SLC1A5: variants seen among roughly 807,000 people sequenced by gnomAD.
SLC1A5 encodes the protein neutral amino acid transporter B(0).
Under a neutral mutation model 34.9 loss-of-function variants are expected in SLC1A5, and 25 were observed. That is an observed-to-expected ratio of 0.72 (90% CI 0.52 to 1.00). The LOEUF is 1.00. Ranked by LOEUF, SLC1A5 falls within the 50% of genes least tolerant of loss-of-function variation. The probability of loss-of-function intolerance (pLI) is 0.00; values close to 1 mark genes in which losing one functional copy is unlikely to be tolerated. For synonymous variants in SLC1A5, 351 were observed against 341.2 expected (o/e 1.03, Z -0.32); for missense variants, 637 against 740.0 (o/e 0.86, Z 1.61).
At chr19:46,785,223 A>G (rs1004912712) in intron 1 of SLC1A5, among the ~76,000 whole-genome samples, 5 of 152,190 alleles carry the variant, frequency 3.3e-5, no homozygotes, top group South Asian at 2.1e-4. Context: ...TCTACAAAAA[A>G]TACAAAAATT....
chr19:46,784,835 G>A lies in SLC1A5; in HGVS notation c.567-276C>T, dbSNP rs377106264. On this transcript the variant is annotated intron_variant, in intron 1 of 7. Coordinates refer to ENST00000542575, the MANE Select transcript of SLC1A5 (RefSeq NM_005628.3). ...GGGGTGAGGAATGCTGGCCTCCCACGGCAGGCCAGGGCAGGTCGCCCCGGG... is the reference window on the plus strand; with the variant it reads ...GGGGTGAGGAATGCTGGCCTCCCACAGCAGGCCAGGGCAGGTCGCCCCGGG... 29 of 1,405,558 alleles carry A rather than the reference G, an allele frequency of 2.1e-5. 1 individual carries two copies. The East Asian group carries it at 3.4e-4, about 16-fold the overall frequency. The allele number at this position is 1,405,558 out of a possible 1,614,324, so 87.1% of individuals were successfully genotyped here.
chr19:46,775,633 C>T lies in SLC1A5; in HGVS notation c.1503G>A (p.Val501=). ...GCGGATCCAGGGGCAGCTCACTCTT[C>T]ACTTGTATCAACTCAGGCTCTGTGC... ...SRSTEPELIQ[V]KSELPLDPLP... is the part of the protein sequence containing the mutation. Residue 501 remains valine, a synonymous_variant, in exon 8 of 8, where the codon GTG becomes GTA. Transcript: ENST00000542575. The T allele has an allele frequency of 6.2e-7, 1 of 1,614,188 alleles. No individual in the cohort carries two copies. The highest frequency in any genetic ancestry group is 1.3e-5 in the African/African-American group (1 of 75,060).
At position 46,787,922 on chromosome 19, in the gene SLC1A5, G is replaced by A; in HGVS notation, c.44C>T (p.Ala15Val). Reference sequence around the variant, plus strand: ...CAGGCCCCCGTTGGCGGTGGGCTCCGCCGCTGCGAGCCCCTTGGAGTCTCG... The same window carrying A: ...CAGGCCCCCGTTGGCGGTGGGCTCCACCGCTGCGAGCCCCTTGGAGTCTCG... ...PPRDSKGLAA[A>V]EPTANGGLAL... Residue 15 changes from alanine to valine, a missense_variant, in exon 1 of 8, where the codon GCG (alanine) becomes GTG (valine). Transcript: ENST00000542575. This position sits in a 1 kb window ranked among gnomAD's most constrained non-coding sequence, Gnocchi z 5.2. 1 of 1,575,876 alleles carries A rather than the reference G, an allele frequency of 6.3e-7. No individual in the cohort carries two copies. Among genetic ancestry groups the A allele is most frequent in the East Asian group, 2.4e-5 (1 of 42,342 alleles).
At chr19:46,780,257 C>G (rs2055135425) in intron 4 of SLC1A5, among the ~76,000 whole-genome samples, 1 of 152,016 alleles carries the variant, frequency 6.6e-6, no homozygotes, top group Non-Finnish European at 1.5e-5. Context: ...TCACCTGAAC[C>G]CAGGAGGTCC....
Position 46,787,868 on chromosome 19 carries a change from G to A in SLC1A5, c.98C>T (p.Ala33Val), listed in dbSNP as rs1162150524. The A allele has an allele frequency of 1.9e-6, 3 of 1,560,100 alleles. No individual in the cohort carries two copies. Among genetic ancestry groups the A allele is most frequent in the East Asian group, 2.4e-5 (1 of 41,392 alleles). Residue 33 changes from alanine to valine, a missense_variant, in exon 1 of 8, where the codon GCG (alanine) becomes GTG (valine). By Grantham distance (64) the Ala-to-Val change is moderately conservative (BLOSUM62 0). Coordinates refer to ENST00000542575, the MANE Select transcript of SLC1A5 (RefSeq NM_005628.3). This position sits in a 1 kb window ranked among gnomAD's most constrained non-coding sequence, Gnocchi z 5.2. ...GGAACCGCAGTAGCCGCCTGCTGCC[G>A]CGCCTTGGTCCTCGATGGAGGCCAG... is the stretch of plus-strand genomic sequence containing the variant. ...LALASIEDQG[A>V]AAGGYCGSRD...
Position 46,775,479 on chromosome 19 carries a change from C to G in SLC1A5, c.*31G>C. 2 of 1,576,996 alleles carry G rather than the reference C, an allele frequency of 1.3e-6. No homozygotes were observed. The highest frequency in any genetic ancestry group is 1.7e-6 in the Non-Finnish European group (2 of 1,162,128). ...ATAATCCAGTGTCCAAAGAGCACCC[C>G]CAGCAGGGCAGGGAAGGTCCCTCCC... is the stretch of plus-strand genomic sequence containing the variant. On this transcript the variant is annotated 3_prime_UTR_variant, in exon 8 of 8. Coordinates refer to ENST00000542575, the MANE Select transcript of SLC1A5 (RefSeq NM_005628.3).
At chr19:46,786,053 CA>C (rs34681600) in intron 1 of SLC1A5, among the ~76,000 whole-genome samples, 1,052 of 102,566 alleles carry the variant, frequency 0.01, 6 homozygotes, top group African/African-American at 0.024. Flanking sequence ...GAGACTGTCT[CA>C]AAAAAAAAAA....
At position 46,777,016 on chromosome 19, in the gene SLC1A5, C is replaced by T. The variant is rs745485680; in HGVS notation, c.1347G>A (p.Pro449=). ...LAIILEAVNL[P]VDHISLILAV... is the part of the protein sequence containing the mutation. ...CCAGGATCAAGGAGATATGGTCGAC[C>T]GGGAGGTTGACTGCTTCGAGGATGA... Residue 449 remains proline (P), a synonymous_variant, in exon 7 of 8, where the codon CCG becomes CCA. Coordinates refer to ENST00000542575, the MANE Select transcript of SLC1A5 (RefSeq NM_005628.3). 8.1e-6 allele frequency: 13 copies of T among 1,613,866 alleles called. No homozygotes were observed. The highest frequency in any genetic ancestry group is 6.7e-5 in the Admixed American group (4 of 59,976).
At position 46,776,970 on chromosome 19, in the gene SLC1A5, C is replaced by A. The variant is rs748489866; in HGVS notation, c.1388+5G>T. On this transcript the variant is annotated splice_donor_5th_base_variant and intron_variant, in intron 7 of 7. Transcript: ENST00000542575. The stretch of plus-strand genomic sequence containing the variant: ...CCCTGCCCCAGTCTCCAGACCCACA[C>A]TCACACTAGCCAGTCCACAGCCAGG... 3.1e-6 allele frequency: 5 copies of A among 1,612,986 alleles called. No homozygotes were observed. The African/African-American group carries it at 5.3e-5, about 17-fold the overall frequency.
Position 46,788,532 on chromosome 19 carries a change from T to C in SLC1A5, c.-567A>G, listed in dbSNP as rs1388141985. ...GGCCCCTGTGTACGGAAGGCGGTGG[T>C]CTGGTGTCCGGGAGTAGCGGTTACC... On this transcript the variant is annotated 5_prime_UTR_variant, in exon 1 of 8. Coordinates refer to ENST00000542575, the MANE Select transcript of SLC1A5 (RefSeq NM_005628.3). The C allele has an allele frequency of 6.6e-6, 1 of 152,544 alleles. No homozygotes were observed. The highest frequency in any genetic ancestry group is 1.9e-4 in the East Asian group (1 of 5,188). 9.4% of individuals were successfully genotyped at this position (152,544 alleles called of 1,614,324 possible).
In SLC1A5 at chr19:46,782,402, G is replaced by A; in HGVS notation, c.805C>T (p.Leu269=). Residue 269 remains leucine, a synonymous_variant, in exon 4 of 8, where the codon CTG becomes TTG. Coordinates refer to ENST00000542575, the MANE Select transcript of SLC1A5 (RefSeq NM_005628.3). The part of the protein sequence containing the change: ...FNSFNEATMV[L]VSWIMWYAPV... ...ACCTACCACATGATCCAGGAGACCA[G>A]AACCATGGTGGCCTCATTGAAGGAG... 7.4e-7 allele frequency: 1 copy of A among 1,343,770 alleles called. No individual in the cohort carries two copies. Among genetic ancestry groups the A allele is most frequent in the Non-Finnish European group, 9.8e-7 (1 of 1,018,112 alleles). The allele number at this position is 1,343,770 out of a possible 1,614,324, so 83.2% of individuals were successfully genotyped here. A position where few individuals can be genotyped will look rare whatever the true frequency, so the allele number is the denominator to read the frequency against.
rs912448265 is a variant in SLC1A5 at position 46,787,221 on chromosome 19, C to G, written c.566+179G>C. The G allele has an allele frequency of 7.0e-7, 1 of 1,427,840 alleles. No individual in the cohort carries two copies. 88.4% of individuals were successfully genotyped at this position (1,427,840 alleles called of 1,614,324 possible). On this transcript the variant is annotated intron_variant, in intron 1 of 7. Transcript: ENST00000542575. This position sits in a 1 kb window ranked among gnomAD's most constrained non-coding sequence, Gnocchi z 5.2. ...GCCCCCAGATTTAGAAACCCCTTCC[C>G]CAGGAGACTAGACTCACACTCCCGA...
At chr19:46,785,306 G>A (rs1350342679) in intron 1 of SLC1A5, among the ~76,000 whole-genome samples, 2 of 152,080 alleles carry the variant, frequency 1.3e-5, no homozygotes, top group African/African-American at 2.4e-5. Context: ...ACTCAAGCCC[G>A]AGGAGGTTGA....
chr19:46,785,878 G>A (rs1442380567), intron 1 of SLC1A5, among the ~76,000 whole-genome samples: 3 of 152,074 alleles, frequency 2.0e-5, no homozygotes, highest in Admixed American at 6.6e-5. Context: ...TCAGGGGTTC[G>A]AGACCAGCCT....
At chr19:46,777,739 G>T (rs539424106) in intron 5 of SLC1A5, among the ~76,000 whole-genome samples, 135 of 138,096 alleles carry the variant, frequency 9.8e-4, no homozygotes, top group Admixed American at 4.5e-3. Flanking sequence ...CATACCACCT[G>T]CCCAGCCGAA....
chr19:46,780,817 A>C (rs931305610), intron 4 of SLC1A5, among the ~76,000 whole-genome samples: 8 of 151,858 alleles, frequency 5.3e-5, no homozygotes, highest in Non-Finnish European at 1.2e-4. Flanking sequence ...CTAAAAATAC[A>C]AAAATTAGCT....
At chr19:46,786,039 AAC>A (rs1345152381) in intron 1 of SLC1A5, among the ~76,000 whole-genome samples, 1 of 150,904 alleles carries the variant, frequency 6.6e-6, no homozygotes, top group African/African-American at 2.4e-5. Flanking sequence ...CAGCCTGAGC[AAC>A]AGAGACTGTC....
chr19:46,784,660 T>C, intron 1 of SLC1A5, 101 bp from the exon 2 acceptor site: 1 of 1,606,144 alleles, frequency 6.2e-7, no homozygotes, highest in Non-Finnish European at 8.5e-7. Flanking sequence ...GTGGAAGCTT[T>C]GGGGGCCCGC....
At chr19:46,782,242 G>A in intron 4 of SLC1A5, 141 bp downstream of exon 4, 1 of 661,660 alleles carries the variant, frequency 1.5e-6, no homozygotes, top group Non-Finnish European at 2.6e-6. Context: ...AATGGTCAAT[G>A]CTGGATTTAA....
Sources: gnomAD v4.1 joint callset for allele counts (sites outside exome capture counted in the v4.1 genomes callset) on GRCh38, gnomAD v4.1.1 for gene constraint, Gnocchi (gnomAD v3.1) non-coding constraint, MANE v1.5 for transcripts, NCBI Gene and HGNC (gene_info 2026-07-23, HGNC 2026-07-21) for gene names.